The following PTPN13 variants were observed in gnomAD, a reference collection of about 807,000 sequenced individuals.
PTPN13 encodes the protein tyrosine-protein phosphatase non-receptor type 13.
In PTPN13, 191 loss-of-function variants were observed where a neutral mutation model predicts 284.0. The ratio of observed to expected loss-of-function variants is 0.67; its 90% CI spans 0.60 to 0.76. The LOEUF (loss-of-function observed/expected upper bound fraction) is 0.76. PTPN13 is among the 30% of genes least tolerant of loss of function. PTPN13 has a pLI of 0.00. For missense variants in PTPN13, 2,797 were observed against 2,939.9 expected, an observed-to-expected ratio of 0.95 and a Z score of 1.12; for synonymous variants, 986 against 1,022.3, an observed-to-expected ratio of 0.96 and a Z score of 0.68.
chr4:86,780,429 A>G lies in PTPN13; in HGVS notation c.5919A>G (p.Ser1973=). The G allele has an allele frequency of 6.2e-7, 1 of 1,611,480 alleles. No homozygotes were observed. Among genetic ancestry groups the G allele is most frequent in the South Asian group, 1.1e-5 (1 of 90,356 alleles). Residue 1973 remains serine (S), a synonymous_variant, in exon 36 of 48, where the codon TCA becomes TCG. Coordinates refer to ENST00000411767, the MANE Select transcript of PTPN13 (RefSeq NM_080683.3). The part of the protein sequence containing the change: ...TRNDLPVVPS[S]KRSAVSAPKS... ...ATGATCTTCCAGTGGTCCCCAGCTC[A>G]AAGAGGTCTGCTGTTTCAGCTCCAA... is the stretch of plus-strand genomic sequence containing the variant.
At chr4:86,611,563 A>G (rs761359313) in intron 1 of PTPN13, among the ~76,000 whole-genome samples, 7 of 152,216 alleles carry the variant, frequency 4.6e-5, no homozygotes, top group African/African-American at 4.8e-5. Flanking sequence ...TGAAACAACA[A>G]TTTTCAGGAC....
chr4:86,751,717 G>A (rs141247161), intron 19 of PTPN13, among the ~76,000 whole-genome samples: 2 of 152,210 alleles, frequency 1.3e-5, no homozygotes, highest in East Asian at 1.9e-4. Context: ...CTTTCAAGCC[G>A]ATGTGAATGA....
rs62308417 is a variant in PTPN13, at chr4:86,703,506, A to G, written c.1195+1705A>G. ...TAGTTTTGAAATAGAAATAATGAAG[A>G]TATGTACCAATCTATATGAGTATTT... On this transcript the variant is annotated intron_variant, in intron 7 of 47. Coordinates refer to ENST00000411767, the MANE Select transcript of PTPN13 (RefSeq NM_080683.3). 4.3e-3 allele frequency among the ~76,000 whole-genome samples: 645 copies of G among 151,750 alleles called. 5 individuals carry two copies. Among genetic ancestry groups the G allele is most frequent in the Non-Finnish European group, 8.0e-3 (542 of 67,922 alleles).
chr4:86,772,941 C>A lies in PTPN13; in HGVS notation c.5332C>A (p.Leu1778Ile). 1 of 1,598,728 alleles carries A rather than the reference C, an allele frequency of 6.3e-7. No individual in the cohort carries two copies. Among genetic ancestry groups the A allele is most frequent in the Non-Finnish European group, 8.5e-7 (1 of 1,173,198 alleles). The change falls in exon 32 of 48, where the codon CTT becomes ATT. Residue 1778 changes from leucine (L) to isoleucine (I), a missense_variant. Leu to Ile is a conservative substitution (Grantham distance 5, BLOSUM62 2). Coordinates refer to ENST00000411767, the MANE Select transcript of PTPN13 (RefSeq NM_080683.3). Reference sequence around the variant, plus strand: ...TTTGAAAAATGACTTGGAAAATCACCTTGAAGACTTTGAACTGGTAAGTTG... The same window carrying A: ...TTTGAAAAATGACTTGGAAAATCACATTGAAGACTTTGAACTGGTAAGTTG... The part of the protein sequence containing the change: ...TPLKNDLENH[L>I]EDFELEVELL...
chr4:86,741,682 C>A lies in PTPN13; in HGVS notation c.2353C>A (p.Pro785Thr). The stretch of plus-strand genomic sequence containing the variant: ...TGGAGTTCATTTTCACCGAGTGCAC[C>A]CTGAGAAGAAGTCACAAACAGGAAT... ...EYGVHFHRVH[P>T]EKKSQTGILL... is the part of the protein sequence containing the mutation. Residue 785 changes from proline to threonine, a missense_variant, in exon 16 of 48, where the codon CCT (proline) becomes ACT (threonine). Physicochemically the swap from Pro to Thr is conservative, Grantham distance 38. Coordinates refer to ENST00000411767, the MANE Select transcript of PTPN13 (RefSeq NM_080683.3). The A allele has an allele frequency of 6.2e-7, 1 of 1,613,646 alleles. No homozygotes were observed. The highest frequency in any genetic ancestry group is 1.1e-5 in the South Asian group (1 of 91,020).
rs1276202973 is a variant in PTPN13, at chr4:86,780,454, A to G, written c.5944A>G (p.Lys1982Glu). The G allele has an allele frequency of 6.2e-7, 1 of 1,606,568 alleles. No individual in the cohort carries two copies. Among genetic ancestry groups the G allele is most frequent in the Non-Finnish European group, 8.5e-7 (1 of 1,174,284 alleles). The change falls in exon 36 of 48, where the codon AAG becomes GAG. Residue 1982 changes from lysine (K) to glutamate (E), a missense_variant. Physicochemically the swap from Lys to Glu is moderately conservative, Grantham distance 56. Transcript: ENST00000411767. The part of the protein sequence containing the change: ...SSKRSAVSAP[K>E]STKGNGSYSV... ...AAAGAGGTCTGCTGTTTCAGCTCCA[A>G]AGTCAACCAAAGGCAATGGTAAGGA... is the stretch of plus-strand genomic sequence containing the variant.
intron 9 of PTPN13, among the ~76,000 whole-genome samples, chr4:86,721,823 C>T (rs1257502725): frequency 6.6e-6 from 1 of 151,022 alleles, no homozygotes; most frequent in Non-Finnish European, 1.5e-5. Context: ...ACTGCAGCCT[C>T]AACCCCCTTA....
Position 86,750,533 on chromosome 4 carries a change from G to A in PTPN13, c.2714G>A (p.Arg905Gln), listed in dbSNP as rs189080752. The change falls in exon 18 of 48, where the codon CGA (arginine) becomes CAA (glutamine). Residue 905 changes from arginine to glutamine, a missense_variant. Physicochemically the swap from Arg to Gln is conservative, Grantham distance 43 (BLOSUM62 1). Transcript: ENST00000411767. ...TCTGTTAGAGGATTTAATATGGGAC[G>A]AGCAATCAGCACTGGCAGTCTGGCC... is the stretch of plus-strand genomic sequence containing the variant. ...AESVRGFNMG[R>Q]AISTGSLASS... 59 of 1,613,902 alleles carry A rather than the reference G, an allele frequency of 3.7e-5. No homozygotes were observed. The highest frequency in any genetic ancestry group is 3.5e-4 in the African/African-American group (26 of 75,006).
intron 23 of PTPN13, among the ~76,000 whole-genome samples, chr4:86,761,739 T>C (rs1045182615): frequency 2.0e-5 from 3 of 152,168 alleles, no homozygotes; most frequent in Non-Finnish European, 4.4e-5. Flanking sequence ...TCCGTGGGAG[T>C]TTTGAAAACC....
In PTPN13 at chr4:86,795,423, G is replaced by A. The variant is rs574123812; in HGVS notation, c.6346-1451G>A. ...GGAGAGGATGTGGAGAAATAGGAAC[G>A]CTTTTACACTGTTGGTGGGAGTGTA... On this transcript the variant is annotated intron_variant, in intron 40 of 47. Coordinates refer to ENST00000411767, the MANE Select transcript of PTPN13 (RefSeq NM_080683.3). Among the ~76,000 whole-genome samples, 35 of 152,224 alleles carry A rather than the reference G, an allele frequency of 2.3e-4. 1 individual carries two copies. The highest frequency in any genetic ancestry group is 1.7e-3 in the South Asian group (8 of 4,816).
At chr4:86,797,044 A>G (rs922858354) in intron 41 of PTPN13, 115 bp downstream of exon 41, 10 of 737,772 alleles carry the variant, frequency 1.4e-5, no homozygotes, top group Non-Finnish European at 2.1e-5. Flanking sequence ...TTATAAAACT[A>G]TGGTTGAATA....
chr4:86,736,893 C>T (rs1735578628), intron 15 of PTPN13, among the ~76,000 whole-genome samples: 1 of 152,162 alleles, frequency 6.6e-6, no homozygotes. Flanking sequence ...CTTCATTTCA[C>T]TTTAACTTTA....
rs753199627 is a variant in PTPN13 at position 86,807,913 on chromosome 4, C to CT, written c.7083+19dup. 14 of 1,589,556 alleles carry CT rather than the reference C, an allele frequency of 8.8e-6. No individual in the cohort carries two copies. Among genetic ancestry groups the CT allele is most frequent in the Non-Finnish European group, 1.1e-5 (13 of 1,164,686 alleles). On this transcript the variant is annotated intron_variant, in intron 45 of 47. Coordinates refer to ENST00000411767, the MANE Select transcript of PTPN13 (RefSeq NM_080683.3). ...AGATATTCAGGTAAGTGAATGAAAT[C>CT]TTTCCCTGTTGGAAGGTGTATCTCC...
intron 1 of PTPN13, among the ~76,000 whole-genome samples, chr4:86,598,522 T>C (rs1035189738): frequency 6.6e-6 from 1 of 152,202 alleles, no homozygotes; most frequent in Non-Finnish European, 1.5e-5. Context: ...TTAGTTTGCT[T>C]CCTTCCTTGC....
chr4:86,695,506 G>A (rs1181151201), intron 6 of PTPN13, among the ~76,000 whole-genome samples: 1 of 151,236 alleles, frequency 6.6e-6, no homozygotes, highest in African/African-American at 2.4e-5. Flanking sequence ...TTTTAGAATC[G>A]AATAATAACA....
chr4:86,708,234 T>C (rs901054941), intron 7 of PTPN13, among the ~76,000 whole-genome samples: 2 of 152,160 alleles, frequency 1.3e-5, no homozygotes, highest in African/African-American at 4.8e-5. Context: ...CTTTAGACTA[T>C]TCCCATATGA....
chr4:86,734,831 G>C lies in PTPN13; in HGVS notation c.2107G>C (p.Ala703Pro). Residue 703 changes from alanine to proline, a missense_variant, in exon 14 of 48, where the codon GCA (alanine) becomes CCA (proline). Coordinates refer to ENST00000411767, the MANE Select transcript of PTPN13 (RefSeq NM_080683.3). The part of the protein sequence containing the change: ...HCDDETSLLL[A>P]SLALQAEYGD... ...TGATGATGAGACTTCCTTATTGCTG[G>C]CATCCTTGGCTCTCCAGGCTGAGTA... The C allele has an allele frequency of 6.2e-7, 1 of 1,613,286 alleles. No individual in the cohort carries two copies. The highest frequency in any genetic ancestry group is 8.5e-7 in the Non-Finnish European group (1 of 1,179,434).
chr4:86,787,579 C>T (rs1043326517), intron 40 of PTPN13, among the ~76,000 whole-genome samples: 5 of 147,172 alleles, frequency 3.4e-5, no homozygotes, highest in African/African-American at 1.3e-4. Flanking sequence ...GCAACAAGAG[C>T]GAGATTCTGT....
chr4:86,602,755 C>T, intron 1 of PTPN13, among the ~76,000 whole-genome samples: 1 of 150,688 alleles, frequency 6.6e-6, no homozygotes, highest in Non-Finnish European at 1.5e-5. Flanking sequence ...GTGACCCAAT[C>T]ACAGGTTACT....
Sources: allele counts gnomAD v4.1 joint callset (sites outside exome capture counted in the v4.1 genomes callset), GRCh38; gene constraint gnomAD v4.1.1; transcripts MANE v1.5; gene names NCBI Gene and HGNC (gene_info 2026-07-23, HGNC 2026-07-21).